STX8: variants seen among roughly 807,000 people sequenced by gnomAD.
The protein encoded by STX8 is syntaxin-8.
Under a neutral mutation model 37.5 loss-of-function variants are expected in STX8, and 23 were observed. The ratio of observed to expected loss-of-function variants is 0.61; its 90% CI spans 0.44 to 0.87. The LOEUF (loss-of-function observed/expected upper bound fraction) is 0.87. Among genes scored for constraint, STX8 ranks in the 40% least tolerant of loss-of-function variants. The pLI, the probability that STX8 is intolerant of heterozygous loss-of-function variation, is 0.00. For missense variants in STX8, 313 were observed against 284.7 expected, an observed-to-expected ratio of 1.10 and a Z score of -0.71; for synonymous variants, 115 against 99.1, an observed-to-expected ratio of 1.16 and a Z score of -0.95.
chr17:9,543,731 G>T (rs1404113937), intron 4 of STX8, among the ~76,000 whole-genome samples: 4 of 152,114 alleles, frequency 2.6e-5, no homozygotes, highest in Non-Finnish European at 5.9e-5. Flanking sequence ...GAAATATTGG[G>T]AACCACAGTA....
intron 7 of STX8, among the ~76,000 whole-genome samples, chr17:9,306,763 TCAAA>T (rs923849658): frequency 2.0e-4 from 30 of 151,188 alleles, no homozygotes; most frequent in African/African-American, 5.6e-4. Flanking sequence ...AGACTCTGTC[TCAAA>T]CAAACAAACA....
At chr17:9,299,137 C>T (rs557994372) in intron 7 of STX8, among the ~76,000 whole-genome samples, 69 of 152,260 alleles carry the variant, frequency 4.5e-4, no homozygotes, top group African/African-American at 1.5e-3. Context: ...TGCTTCTGGA[C>T]TTCAGATGGC....
intron 6 of STX8, among the ~76,000 whole-genome samples, chr17:9,488,244 T>C (rs936180080): frequency 2.6e-5 from 4 of 151,770 alleles, no homozygotes; most frequent in Non-Finnish European, 4.4e-5. Flanking sequence ...GAGAATCGCT[T>C]GAACCCGGGA....
Position 9,549,587 on chromosome 17 carries a change from G to C in STX8, c.213-4305C>G, listed in dbSNP as rs556801935. Among the ~76,000 whole-genome samples, 128 of 152,250 alleles carry C rather than the reference G, an allele frequency of 8.4e-4. 2 individuals carry two copies. In the South Asian group the frequency reaches 0.025, roughly 30 times the overall value. ...TAACTTTGCCACTTCTTAGAATCCT[G>C]ATAAAAACAATACTGGGAGTACGAA... On this transcript the variant is annotated intron_variant, in intron 3 of 7. Coordinates refer to ENST00000306357, the MANE Select transcript of STX8 (RefSeq NM_004853.3).
intron 4 of STX8, among the ~76,000 whole-genome samples, chr17:9,516,310 T>C (rs1905157637): frequency 1.1e-5 from 1 of 89,624 alleles, no homozygotes; most frequent in Admixed American, 9.5e-5. Context: ...TATATATATA[T>C]ATATATATAT....
At chr17:9,322,813 C>CT (rs1386071005) in intron 7 of STX8, among the ~76,000 whole-genome samples, 2 of 30,952 alleles carry the variant, frequency 6.5e-5, no homozygotes, top group African/African-American at 1.1e-4. Flanking sequence ...GGTGCATTTG[C>CT]TAAAAAAAAA....
chr17:9,255,866 G>A (rs1906777515), intron 7 of STX8, among the ~76,000 whole-genome samples: 2 of 152,196 alleles, frequency 1.3e-5, no homozygotes, highest in African/African-American at 4.8e-5. Flanking sequence ...CAAAGAGAAG[G>A]TGTTTATCTA....
At position 9,361,783 on chromosome 17, in the gene STX8, T is replaced by C. The variant is rs147805792; in HGVS notation, c.643+16769A>G. On this transcript the variant is annotated intron_variant, in intron 7 of 7. Coordinates refer to ENST00000306357, the MANE Select transcript of STX8 (RefSeq NM_004853.3). ...ATAACTGGCAGGAGCTGGATGCCTC[T>C]TAAACAGAGTGGCAAGCACCAGAAA... Among the ~76,000 whole-genome samples, 1,285 of 152,312 alleles carry C rather than the reference T, an allele frequency of 8.4e-3. 24 individuals carry two copies. The highest frequency in any genetic ancestry group is 0.029 in the African/African-American group (1,212 of 41,580).
chr17:9,384,090 CCTT>C (rs1597638042), intron 6 of STX8, among the ~76,000 whole-genome samples: 1 of 151,444 alleles, frequency 6.6e-6, no homozygotes, highest in Non-Finnish European at 1.5e-5. Context: ...TAAAAGAGTT[CCTT>C]TTTTTCTCCA....
chr17:9,406,127 T>C (rs1912793586), intron 6 of STX8, among the ~76,000 whole-genome samples: 3 of 152,358 alleles, frequency 2.0e-5, no homozygotes, highest in African/African-American at 7.2e-5. Context: ...TGGATTTATT[T>C]ATCTTGAAAT....
chr17:9,564,151 T>A (rs1567611824), intron 2 of STX8, among the ~76,000 whole-genome samples: 1 of 152,026 alleles, frequency 6.6e-6, no homozygotes, highest in Non-Finnish European at 1.5e-5. Flanking sequence ...ATGGGCAAAA[T>A]CTGGCAGCAT....
At chr17:9,518,227 T>G (rs889449372) in intron 4 of STX8, among the ~76,000 whole-genome samples, 3 of 152,038 alleles carry the variant, frequency 2.0e-5, no homozygotes, top group Admixed American at 2.0e-4. Context: ...GCAAGCCAAC[T>G]TCTACCCCTG....
intron 6 of STX8, among the ~76,000 whole-genome samples, chr17:9,385,765 G>GGTTTTTT (rs534398834): frequency 6.6e-6 from 1 of 152,038 alleles, no homozygotes; most frequent in African/African-American, 2.4e-5. Flanking sequence ...TTTACTCCTA[G>GGTTTTTT]GTTTTTTGTT....
At chr17:9,275,071 C>T (rs1410400882) in intron 7 of STX8, among the ~76,000 whole-genome samples, 1 of 152,058 alleles carries the variant, frequency 6.6e-6, no homozygotes, top group Non-Finnish European at 1.5e-5. Context: ...TTTATGATGT[C>T]TCTAAGTCAC....
At chr17:9,571,897 G>A (rs1328115627) in intron 1 of STX8, among the ~76,000 whole-genome samples, 11 of 151,038 alleles carry the variant, frequency 7.3e-5, no homozygotes, top group African/African-American at 2.4e-4. Context: ...CCTGGGCGAC[G>A]GAGCAAGACT....
At chr17:9,503,789 G>C (rs1462565689) in intron 5 of STX8, among the ~76,000 whole-genome samples, 1 of 152,130 alleles carries the variant, frequency 6.6e-6, no homozygotes, top group Non-Finnish European at 1.5e-5. Flanking sequence ...TTGAGATGGA[G>C]TCTCACTCTG....
intron 6 of STX8, among the ~76,000 whole-genome samples, chr17:9,446,643 T>C (rs1904862066): frequency 6.6e-6 from 1 of 152,190 alleles, no homozygotes; most frequent in African/African-American, 2.4e-5. Flanking sequence ...AGCAACAGTT[T>C]TTTTGGCAGT....
At chr17:9,271,748 C>CACA (rs1287976318) in intron 7 of STX8, among the ~76,000 whole-genome samples, 1 of 63,468 alleles carries the variant, frequency 1.6e-5, no homozygotes, top group African/African-American at 5.2e-5. Context: ...GACTCCATCT[C>CACA]AAAAAAAAAA....
In STX8 at chr17:9,530,840, T is replaced by C. The variant is rs188419477; in HGVS notation, c.323+14332A>G. ...TTAATGAAATCCAACTTATCACTTG[T>C]TTCCTTTATGGTTAGTATGTTTTGT... On this transcript the variant is annotated intron_variant, in intron 4 of 7. Coordinates refer to ENST00000306357, the MANE Select transcript of STX8 (RefSeq NM_004853.3). 6.5e-3 allele frequency among the ~76,000 whole-genome samples: 983 copies of C among 152,352 alleles called. 15 individuals are homozygous for C. The highest frequency in any genetic ancestry group is 0.023 in the African/African-American group (946 of 41,588).
Sources: gnomAD v4.1 joint callset for allele counts (sites outside exome capture counted in the v4.1 genomes callset) on GRCh38, gnomAD v4.1.1 for gene constraint, MANE v1.5 for transcripts, NCBI Gene and HGNC (gene_info 2026-07-23, HGNC 2026-07-21) for gene names.